DSCAM: variants seen among roughly 807,000 people sequenced by gnomAD.
The protein encoded by DSCAM is DS cell adhesion molecule.
A neutral mutation model predicts 217.7 loss-of-function variants in DSCAM; 47 were observed. The observed-to-expected ratio is 0.22, with a 90% CI of 0.17 to 0.28. The LOEUF (loss-of-function observed/expected upper bound fraction) is 0.28, where lower values mean the gene tolerates loss of function less well. Ranked by LOEUF, DSCAM falls within the 10% of genes least tolerant of loss-of-function variation. The pLI, the probability that DSCAM is intolerant of heterozygous loss-of-function variation, is 1.00. For synonymous variants in DSCAM, 1,056 were observed against 1,015.3 expected, an observed-to-expected ratio of 1.04 and a Z score of -0.76; for missense variants, 2,080 against 2,618.3, an observed-to-expected ratio of 0.79 and a Z score of 4.49.
intron 3 of DSCAM, among the ~76,000 whole-genome samples, chr21:40,435,082 C>G (rs2145903556): frequency 6.6e-6 from 1 of 152,286 alleles, no homozygotes; most frequent in African/African-American, 2.4e-5. Flanking sequence ...AGGGAGCGGA[C>G]AAGATCTCTC....
intron 3 of DSCAM, among the ~76,000 whole-genome samples, chr21:40,458,432 A>T (rs1267451563): frequency 1.3e-5 from 2 of 152,210 alleles, no homozygotes; most frequent in Non-Finnish European, 2.9e-5. Flanking sequence ...AATGCTCAGG[A>T]GACATTTTAA....
At chr21:40,718,727 G>A (rs2090870205) in intron 1 of DSCAM, among the ~76,000 whole-genome samples, 1 of 152,162 alleles carries the variant, frequency 6.6e-6, no homozygotes, top group Non-Finnish European at 1.5e-5. Flanking sequence ...TAAATCCTCA[G>A]GGATAGGGAG....
intron 3 of DSCAM, among the ~76,000 whole-genome samples, chr21:40,637,936 G>C (rs1272103748): frequency 6.6e-6 from 1 of 151,604 alleles, no homozygotes; most frequent in African/African-American, 2.4e-5. Context: ...CACCCACCTC[G>C]ACCTCCCAAA....
intron 3 of DSCAM, among the ~76,000 whole-genome samples, chr21:40,574,089 T>A (rs2076830050): frequency 6.6e-6 from 1 of 152,030 alleles, no homozygotes; most frequent in Non-Finnish European, 1.5e-5. Flanking sequence ...CTTCACAATT[T>A]TTTTTTTAAT....
At chr21:40,174,904 C>T (rs1355668997) in intron 15 of DSCAM, among the ~76,000 whole-genome samples, 2 of 152,214 alleles carry the variant, frequency 1.3e-5, no homozygotes, top group Non-Finnish European at 2.9e-5. Context: ...GAGGGCACCT[C>T]AAGCTCCAGA....
chr21:40,349,865 G>T (rs900707349), intron 5 of DSCAM, among the ~76,000 whole-genome samples: 4 of 152,130 alleles, frequency 2.6e-5, no homozygotes, highest in African/African-American at 9.7e-5. Context: ...ATTCTTTAAA[G>T]CAGACAGCAA....
intron 1 of DSCAM, among the ~76,000 whole-genome samples, chr21:40,820,155 G>A (rs1166047351): frequency 1.3e-5 from 2 of 152,040 alleles, no homozygotes; most frequent in East Asian, 3.9e-4. Context: ...AAAGACACAT[G>A]CACACATATG....
intron 3 of DSCAM, among the ~76,000 whole-genome samples, chr21:40,590,157 AG>A (rs1227822298): frequency 6.6e-6 from 1 of 152,256 alleles, no homozygotes; most frequent in African/African-American, 2.4e-5. Context: ...TTTTACCCAC[AG>A]GGAAGACCAA....
chr21:40,030,228 A>T (rs1039677442), intron 32 of DSCAM, among the ~76,000 whole-genome samples: 1 of 152,104 alleles, frequency 6.6e-6, no homozygotes, highest in East Asian at 1.9e-4. Context: ...TTTTTTTGCC[A>T]TGCGTGTGTT....
At chr21:40,770,914 G>C (rs1303809210) in intron 1 of DSCAM, among the ~76,000 whole-genome samples, 1 of 152,176 alleles carries the variant, frequency 6.6e-6, no homozygotes, top group African/African-American at 2.4e-5. Context: ...AAACAGAAGA[G>C]GTAGAAAGGG....
At chr21:40,055,881 A>G (rs773738248) in intron 28 of DSCAM, 41 bp from the exon 29 acceptor site, 7 of 1,482,070 alleles carry the variant, frequency 4.7e-6, no homozygotes, top group East Asian at 2.3e-5. Flanking sequence ...AATCCAGTTC[A>G]GTGTTAACAT....
intron 3 of DSCAM, among the ~76,000 whole-genome samples, chr21:40,548,701 C>A (rs551876689): frequency 6.6e-6 from 1 of 151,986 alleles, no homozygotes; most frequent in Non-Finnish European, 1.5e-5. Context: ...TTTGAAAGGC[C>A]AGGGTCACAG....
chr21:40,261,631 A>C (rs2073451637), intron 11 of DSCAM, among the ~76,000 whole-genome samples: 1 of 138,660 alleles, frequency 7.2e-6, no homozygotes, highest in African/African-American at 2.8e-5. Flanking sequence ...CCTTATAATA[A>C]ACTTATTCTC....
intron 3 of DSCAM, among the ~76,000 whole-genome samples, chr21:40,479,120 A>G (rs1407758063): frequency 6.6e-6 from 1 of 152,170 alleles, no homozygotes; most frequent in African/African-American, 2.4e-5. Context: ...CTTCATTGCA[A>G]TGAGGCATTT....
At chr21:40,688,414 G>A (rs2090505908) in intron 3 of DSCAM, among the ~76,000 whole-genome samples, 1 of 151,892 alleles carries the variant, frequency 6.6e-6, no homozygotes, top group Admixed American at 6.6e-5. Context: ...GGTGTTTTAT[G>A]TATCTCCACA....
chr21:40,695,829 A>T (rs8132856), intron 2 of DSCAM, among the ~76,000 whole-genome samples: 25,179 of 152,034 alleles, frequency 0.17, 3,637 homozygotes, highest in African/African-American at 0.4. Context: ...ATAGTTTTTT[A>T]AAAAAATGCA....
At chr21:40,107,369 G>A (rs1320793333) in intron 20 of DSCAM, among the ~76,000 whole-genome samples, 1 of 152,172 alleles carries the variant, frequency 6.6e-6, no homozygotes, top group Non-Finnish European at 1.5e-5. Flanking sequence ...TGCATTTGCT[G>A]AGGAGTGTTT....
intron 1 of DSCAM, among the ~76,000 whole-genome samples, chr21:40,765,908 A>G (rs1173159240): frequency 6.6e-6 from 1 of 152,180 alleles, no homozygotes; most frequent in Non-Finnish European, 1.5e-5. Context: ...CTGCAGGAGA[A>G]CGAGGAGCTG....
At chr21:40,431,364 T>C (rs1329948766) in intron 3 of DSCAM, among the ~76,000 whole-genome samples, 1 of 149,634 alleles carries the variant, frequency 6.7e-6, no homozygotes, top group Non-Finnish European at 1.5e-5. Flanking sequence ...CACCTCAGCC[T>C]ACTCAATGTG....
Sources: gnomAD v4.1 joint callset for allele counts (sites outside exome capture counted in the v4.1 genomes callset) on GRCh38, gnomAD v4.1.1 for gene constraint, MANE v1.5 for transcripts, NCBI Gene and HGNC (gene_info 2026-07-23, HGNC 2026-07-21) for gene names.